The following CFAP299 variants were observed in gnomAD, a reference collection of about 807,000 sequenced individuals.
CFAP299 encodes the protein cilia and flagella associated protein 299, also known as cilia- and flagella-associated protein 299.
In CFAP299, 21 loss-of-function variants were observed where a neutral mutation model predicts 27.0. The ratio of observed to expected loss-of-function variants is 0.78; its 90% confidence interval spans 0.55 to 1.12. The LOEUF is 1.12. Ranked by LOEUF, CFAP299 falls within the 50% of genes most tolerant of loss-of-function variation. The pLI is 0.00. For synonymous variants in CFAP299, 104 were observed against 98.1 expected (o/e 1.06, Z -0.36); for missense variants, 310 against 276.6 (o/e 1.12, Z -0.86).
At chr4:80,724,824 T>A (rs1723052445) in intron 3 of CFAP299, among the ~76,000 whole-genome samples, 1 of 150,462 alleles carries the variant, frequency 6.6e-6, no homozygotes, top group African/African-American at 2.4e-5. Flanking sequence ...CTTTTTTTTC[T>A]TTCTTTTTCT....
At chr4:80,827,334 C>T (rs1276389376) in intron 3 of CFAP299, among the ~76,000 whole-genome samples, 2 of 151,704 alleles carry the variant, frequency 1.3e-5, no homozygotes, top group Non-Finnish European at 3.0e-5. Flanking sequence ...CTGATTTTAA[C>T]AGCACATTAC....
At chr4:80,650,326 G>A (rs1740220327) in intron 3 of CFAP299, among the ~76,000 whole-genome samples, 1 of 151,896 alleles carries the variant, frequency 6.6e-6, no homozygotes, top group Non-Finnish European at 1.5e-5. Flanking sequence ...ACATTTATAT[G>A]TACAAAAAAC....
rs186723133 is a variant in CFAP299 at position 80,947,145 on chromosome 4, C to A, written c.606+2206C>A. Among the ~76,000 whole-genome samples the A allele has an allele frequency of 4.1e-3, 617 of 152,184 alleles. 1 individual carries two copies. Among genetic ancestry groups the A allele is most frequent in the Middle Eastern group, 0.014 (4 of 294 alleles). ...TCCAAAATAGTCAACCATGAGATTT[C>A]AGTATGACATATAACATTTGTCTCC... On this transcript the variant is annotated intron_variant, in intron 5 of 5. Transcript: ENST00000358105.
chr4:80,746,173 T>C (rs183343435), intron 3 of CFAP299, among the ~76,000 whole-genome samples: 9 of 152,114 alleles, frequency 5.9e-5, no homozygotes, highest in Admixed American at 3.9e-4. Flanking sequence ...CATGGGCAAA[T>C]AAATTAACCA....
intron 3 of CFAP299, among the ~76,000 whole-genome samples, chr4:80,800,139 A>T (rs1441084966): frequency 1.6e-5 from 1 of 62,718 alleles, no homozygotes. Context: ...AATATATTAT[A>T]TAAATATATT....
chr4:80,423,479 C>T (rs1727385774), intron 2 of CFAP299, among the ~76,000 whole-genome samples: 1 of 152,114 alleles, frequency 6.6e-6, no homozygotes, highest in Admixed American at 6.5e-5. Flanking sequence ...TCATTTTGTT[C>T]CTGAGGCTGG....
At chr4:80,909,185 T>A (rs1174657191) in intron 4 of CFAP299, among the ~76,000 whole-genome samples, 3 of 152,246 alleles carry the variant, frequency 2.0e-5, no homozygotes, top group Non-Finnish European at 4.4e-5. Context: ...GCCTTTTTTT[T>A]TTCTACTACT....
intron 2 of CFAP299, among the ~76,000 whole-genome samples, chr4:80,447,384 C>T (rs1272660184): frequency 6.6e-6 from 1 of 151,366 alleles, no homozygotes; most frequent in Non-Finnish European, 1.5e-5. Flanking sequence ...ATCCGCCCGC[C>T]TCGGCCTCCC....
intron 3 of CFAP299, among the ~76,000 whole-genome samples, chr4:80,604,069 TGAAA>T (rs1257900857): frequency 6.6e-6 from 1 of 152,156 alleles, no homozygotes; most frequent in Non-Finnish European, 1.5e-5. Flanking sequence ...TTTTACTTGT[TGAAA>T]CCATTATCCT....
chr4:80,395,998 T>C (rs1725765434), intron 2 of CFAP299, among the ~76,000 whole-genome samples: 1 of 152,148 alleles, frequency 6.6e-6, no homozygotes, highest in Non-Finnish European at 1.5e-5. Flanking sequence ...TCTTTTACTC[T>C]TCTCTGCCTT....
intron 3 of CFAP299, among the ~76,000 whole-genome samples, chr4:80,845,187 G>A (rs1396311288): frequency 3.3e-5 from 5 of 151,836 alleles, no homozygotes; most frequent in African/African-American, 4.8e-5. Context: ...GTCAGGTAGT[G>A]TGATGCCTCC....
chr4:80,959,327 A>G (rs1391014227), intron 5 of CFAP299, among the ~76,000 whole-genome samples: 2 of 152,144 alleles, frequency 1.3e-5, no homozygotes, highest in African/African-American at 4.8e-5. Flanking sequence ...TAAGGCCTAA[A>G]CATTTGTATT....
At chr4:80,559,842 C>T (rs1322656892) in intron 2 of CFAP299, among the ~76,000 whole-genome samples, 1 of 152,170 alleles carries the variant, frequency 6.6e-6, no homozygotes, top group Non-Finnish European at 1.5e-5. Context: ...CCACACCCCT[C>T]ACTACTGAGG....
At chr4:80,455,087 G>A (rs1460812302) in intron 2 of CFAP299, among the ~76,000 whole-genome samples, 2 of 152,160 alleles carry the variant, frequency 1.3e-5, no homozygotes, top group African/African-American at 2.4e-5. Context: ...GGAGCAGATA[G>A]CAAGGTTTCA....
chr4:80,585,408 AT>A (rs981831077), intron 3 of CFAP299, among the ~76,000 whole-genome samples: 32 of 152,304 alleles, frequency 2.1e-4, no homozygotes, highest in South Asian at 1.0e-3. Flanking sequence ...CCATATTGCT[AT>A]CCCTCAAATG....
At chr4:80,681,310 A>G (rs1719824412) in intron 3 of CFAP299, among the ~76,000 whole-genome samples, 1 of 152,076 alleles carries the variant, frequency 6.6e-6, no homozygotes. Flanking sequence ...TGTTCCATCC[A>G]TTAGGAGATT....
Position 80,393,740 on chromosome 4 carries a change from A to G in CFAP299, c.242+30856A>G, listed in dbSNP as rs1465652652. 7.2e-5 allele frequency among the ~76,000 whole-genome samples: 11 copies of G among 152,274 alleles called. No individual in the cohort carries two copies. In the East Asian group the frequency reaches 1.9e-3, roughly 27 times the overall value. Reference sequence around the variant, plus strand: ...ACTCTATGATGTTCAAACAGCTACAAAATCACCTAGTGACACATTTCTCAG... The same window carrying G: ...ACTCTATGATGTTCAAACAGCTACAGAATCACCTAGTGACACATTTCTCAG... On this transcript the variant is annotated intron_variant, in intron 2 of 5. Transcript: ENST00000358105.
At chr4:80,731,181 ATTTAT>A (rs893098172) in intron 3 of CFAP299, among the ~76,000 whole-genome samples, 6 of 152,160 alleles carry the variant, frequency 3.9e-5, no homozygotes, top group African/African-American at 1.2e-4. Flanking sequence ...TGCCTATTTT[ATTTAT>A]TTTATTTTAT....
chr4:80,671,991 T>A (rs1474413222), intron 3 of CFAP299, among the ~76,000 whole-genome samples: 1 of 152,204 alleles, frequency 6.6e-6, no homozygotes, highest in Non-Finnish European at 1.5e-5. Flanking sequence ...TGAGTACCCT[T>A]TATTTCTTTC....
Sources: gnomAD v4.1 joint callset for allele counts (sites outside exome capture counted in the v4.1 genomes callset) on GRCh38, gnomAD v4.1.1 for gene constraint, MANE v1.5 for transcripts, NCBI Gene and HGNC (gene_info 2026-07-23, HGNC 2026-07-21) for gene names.